Variants in DIP2C observed in about 807,000 individuals in gnomAD.
DIP2C encodes disco-interacting protein 2 homolog C.
Under a neutral mutation model 192.4 loss-of-function variants are expected in DIP2C, and 33 were observed. That is an observed-to-expected ratio of 0.17 (90% CI 0.13 to 0.23). The LOEUF is 0.23. DIP2C is among the 10% of genes least tolerant of loss of function. The pLI is 1.00. For missense variants in DIP2C, 1,537 were observed against 2,110.1 expected, an observed-to-expected ratio of 0.73 and a Z score of 5.32; for synonymous variants, 979 against 864.1, an observed-to-expected ratio of 1.13 and a Z score of -2.33.
chr10:538,764 A>G (rs1320062829), intron 1 of DIP2C, among the ~76,000 whole-genome samples: 4 of 152,256 alleles, frequency 2.6e-5, no homozygotes, highest in Non-Finnish European at 5.9e-5. Context: ...AACAAAAGAT[A>G]ACTGTACCTA....
At chr10:388,794 C>T (rs1269381876) in intron 13 of DIP2C, among the ~76,000 whole-genome samples, 3 of 152,256 alleles carry the variant, frequency 2.0e-5, no homozygotes, top group Admixed American at 1.3e-4. Flanking sequence ...GATGCCACCA[C>T]GGCTTCGTGA....
chr10:374,513 T>C (rs988307185), intron 17 of DIP2C, among the ~76,000 whole-genome samples: 1 of 152,236 alleles, frequency 6.6e-6, no homozygotes, highest in Non-Finnish European at 1.5e-5. Flanking sequence ...CGAGGAGGGC[T>C]GAGTGCTACC....
rs749980841 is a variant in DIP2C at position 366,417 on chromosome 10, A to T, written c.2132-6T>A. 1.9e-6 allele frequency: 3 copies of T among 1,614,194 alleles called. No individual in the cohort carries two copies. The African/African-American group carries it at 4.0e-5, about 22-fold the overall frequency. Reference sequence around the variant, plus strand: ...CTTCACTGAACACATGATGGCTAAAAGCAAACAGGAAAGCACATGCAGTGT... The same window carrying T: ...CTTCACTGAACACATGATGGCTAAATGCAAACAGGAAAGCACATGCAGTGT... On this transcript the variant is annotated splice_polypyrimidine_tract_variant and splice_region_variant and intron_variant, in intron 18 of 36. Coordinates refer to ENST00000280886, the MANE Select transcript of DIP2C (RefSeq NM_014974.3).
rs1383097794 is a variant in DIP2C at position 337,439 on chromosome 10, AT to A, written c.3584+3759del. On this transcript the variant is annotated intron_variant, in intron 29 of 36. Coordinates refer to ENST00000280886, the MANE Select transcript of DIP2C (RefSeq NM_014974.3). ...GTGTGTGTTGTGGAGGCCTAGGCTG[AT>A]TGTGTGTGCGTGTGTGTTGTGGAGG... Among the ~76,000 whole-genome samples the A allele has an allele frequency of 7.3e-4, 66 of 90,442 alleles. No individual in the cohort carries two copies. In the Middle Eastern group the frequency reaches 0.029, roughly 40 times the overall value. 59.3% of individuals were successfully genotyped at this position (90,442 alleles called of 152,430 possible).
chr10:559,876 C>T (rs1849108573), intron 1 of DIP2C, among the ~76,000 whole-genome samples: 1 of 152,222 alleles, frequency 6.6e-6, no homozygotes, highest in African/African-American at 2.4e-5. Flanking sequence ...CATCCACCCA[C>T]CTGGCCATTC....
At chr10:481,259 A>G (rs573760746) in intron 2 of DIP2C, among the ~76,000 whole-genome samples, 5 of 152,368 alleles carry the variant, frequency 3.3e-5, no homozygotes, top group African/African-American at 1.2e-4. Context: ...ACAGAACAAA[A>G]TGGCATTTAC....
chr10:442,769 C>T (rs1967853189), intron 3 of DIP2C, among the ~76,000 whole-genome samples: 1 of 152,166 alleles, frequency 6.6e-6, no homozygotes, highest in Non-Finnish European at 1.5e-5. Context: ...ATACATTTTC[C>T]TCAAGATCAG....
intron 3 of DIP2C, among the ~76,000 whole-genome samples, chr10:466,832 G>T (rs556286758): frequency 7.4e-6 from 1 of 134,962 alleles, no homozygotes; most frequent in East Asian, 2.4e-4. Flanking sequence ...ACCACTATGA[G>T]ATATCATCGC....
chr10:514,180 C>G (rs887922340), intron 1 of DIP2C, among the ~76,000 whole-genome samples: 2 of 151,972 alleles, frequency 1.3e-5, no homozygotes, highest in African/African-American at 4.8e-5. Flanking sequence ...CCACAAACAC[C>G]TGCTAATACT....
Position 356,406 on chromosome 10 carries a change from A to G in DIP2C, c.2985+20T>C, listed in dbSNP as rs370353246. 306 of 1,609,574 alleles carry G rather than the reference A, an allele frequency of 1.9e-4. No homozygotes were observed. The highest frequency in any genetic ancestry group is 2.5e-4 in the Non-Finnish European group (293 of 1,179,918). On this transcript the variant is annotated intron_variant, in intron 24 of 36. Coordinates refer to ENST00000280886, the MANE Select transcript of DIP2C (RefSeq NM_014974.3). ...GCCCCTTGAGGCCAGTAGCCAGGGA[A>G]GGCCAGCTCCGCGCCTCACCCGACA...
At chr10:554,210 G>A (rs543128724) in intron 1 of DIP2C, among the ~76,000 whole-genome samples, 1 of 152,136 alleles carries the variant, frequency 6.6e-6, no homozygotes, top group African/African-American at 2.4e-5. Flanking sequence ...GGTATAGCTT[G>A]TAACTAACAG....
chr10:312,257 G>T (rs531431705), intron 31 of DIP2C, among the ~76,000 whole-genome samples: 2 of 152,152 alleles, frequency 1.3e-5, no homozygotes, highest in Non-Finnish European at 2.9e-5. Context: ...CCTGCTACCC[G>T]CATTAAATAA....
intron 3 of DIP2C, among the ~76,000 whole-genome samples, chr10:461,375 G>C (rs1969759963): frequency 6.6e-6 from 1 of 152,032 alleles, no homozygotes; most frequent in Non-Finnish European, 1.5e-5. Flanking sequence ...AAAAAAGCAT[G>C]AGTTGCAATC....
At chr10:577,552 C>T (rs1293327360) in intron 1 of DIP2C, among the ~76,000 whole-genome samples, 2 of 152,212 alleles carry the variant, frequency 1.3e-5, no homozygotes, top group East Asian at 1.9e-4. Context: ...ACTCAGCACG[C>T]AGTGAGAACT....
In DIP2C at chr10:581,017, A is replaced by G. The variant is rs565527839; in HGVS notation, c.86-94487T>C. On this transcript the variant is annotated intron_variant, in intron 1 of 36. Coordinates refer to ENST00000280886, the MANE Select transcript of DIP2C (RefSeq NM_014974.3). ...ACAATTTGACTCACAGTATTCTGGCAGATTATTCATTTTCTGGTGAGAGAG... is the reference window on the plus strand; with the variant it reads ...ACAATTTGACTCACAGTATTCTGGCGGATTATTCATTTTCTGGTGAGAGAG... Among the ~76,000 whole-genome samples, 5 of 152,318 alleles carry G rather than the reference A, an allele frequency of 3.3e-5. No homozygotes were observed. In the East Asian group the frequency reaches 9.6e-4, roughly 29 times the overall value.
intron 1 of DIP2C, among the ~76,000 whole-genome samples, chr10:555,149 CAT>C (rs1346430292): frequency 6.6e-6 from 1 of 151,762 alleles, no homozygotes; most frequent in Non-Finnish European, 1.5e-5. Flanking sequence ...TCTCTTTACC[CAT>C]ATGAGACCCA....
At chr10:647,851 G>A (rs925512882) in intron 1 of DIP2C, among the ~76,000 whole-genome samples, 16 of 146,002 alleles carry the variant, frequency 1.1e-4, no homozygotes, top group East Asian at 4.3e-4. Context: ...CACATTTGAC[G>A]GTGGGAGAGA....
At chr10:539,629 C>G (rs1259266222) in intron 1 of DIP2C, among the ~76,000 whole-genome samples, 1 of 152,220 alleles carries the variant, frequency 6.6e-6, no homozygotes, top group Non-Finnish European at 1.5e-5. Flanking sequence ...TAAGAAATTA[C>G]TGTGTGTCAC....
chr10:595,339 T>C (rs1588551211), intron 1 of DIP2C, among the ~76,000 whole-genome samples: 1 of 152,320 alleles, frequency 6.6e-6, no homozygotes, highest in South Asian at 2.1e-4. Flanking sequence ...AACTTGCCAT[T>C]TTGTAGGCCA....
Sources: gnomAD v4.1 joint callset for allele counts (sites outside exome capture counted in the v4.1 genomes callset) on GRCh38, gnomAD v4.1.1 for gene constraint, MANE v1.5 for transcripts, NCBI Gene and HGNC (gene_info 2026-07-23, HGNC 2026-07-21) for gene names.